Variants in FAM117B observed in about 807,000 individuals in gnomAD.
FAM117B encodes protein FAM117B.
FAM117B carries 22 observed loss-of-function variants against 52.8 expected under a neutral mutation model. The observed-to-expected ratio is 0.42, with a 90% CI of 0.30 to 0.59. The LOEUF (loss-of-function observed/expected upper bound fraction) is 0.59, where lower values mean the gene tolerates loss of function less well. FAM117B is among the 20% of genes least tolerant of loss of function. The pLI, the probability that FAM117B is intolerant of heterozygous loss-of-function variation, is 0.22. For synonymous variants in FAM117B, 309 were observed against 324.1 expected (o/e 0.95, Z 0.50); for missense variants, 678 against 802.6 (o/e 0.84, Z 1.88).
Position 202,757,446 on chromosome 2 carries a change from G to C in FAM117B, c.1330+8G>C. 6.2e-7 allele frequency: 1 copy of C among 1,612,542 alleles called. No individual in the cohort carries two copies. The highest frequency in any genetic ancestry group is 1.1e-5 in the South Asian group (1 of 91,018). ...TTGATCCCAGAGATAAAGGTACAGT[G>C]CTGGAGGAATGTGCTACTAGATGAT... On this transcript the variant is annotated splice_region_variant and intron_variant, in intron 6 of 7. Transcript: ENST00000392238.
rs11680951 is a variant in FAM117B, at chr2:202,766,636, G to A, written c.*872G>A. The A allele has an allele frequency of 0.48, 73,804 of 152,304 alleles. 18,660 individuals carry two copies. The highest frequency in any genetic ancestry group is 0.62 in the Middle Eastern group (183 of 294). 9.4% of individuals were successfully genotyped at this position (152,304 alleles called of 1,614,324 possible). The stretch of plus-strand genomic sequence containing the variant: ...TTAAAAGTCAGTGAGCCAAAAGGAA[G>A]CTATCCAGCGTTGATTGCTAGCTAA... On this transcript the variant is annotated 3_prime_UTR_variant, in exon 8 of 8. Coordinates refer to ENST00000392238, the MANE Select transcript of FAM117B (RefSeq NM_173511.4).
At chr2:202,655,724 G>C (rs1488948598) in intron 1 of FAM117B, among the ~76,000 whole-genome samples, 1,642 of 131,640 alleles carry the variant, frequency 0.012, 34 homozygotes, top group African/African-American at 0.033. Context: ...GAGAGAGAGA[G>C]AGAGAGAGAG....
chr2:202,753,492 A>G (rs180821974), intron 4 of FAM117B, among the ~76,000 whole-genome samples: 2 of 152,358 alleles, frequency 1.3e-5, no homozygotes, highest in African/African-American at 2.4e-5. Context: ...AGCAATTGCA[A>G]CAAAAGCCAA....
intron 2 of FAM117B, among the ~76,000 whole-genome samples, chr2:202,714,533 C>CTTTTTTTTTTTTTTTT (rs1034689626): frequency 5.1e-5 from 6 of 117,658 alleles, no homozygotes; most frequent in East Asian, 2.3e-4. Context: ...TTTTTTTTTT[C>CTTTTTTTTTTTTTTTT]TTTTTTTTTT....
At position 202,767,365 on chromosome 2, in the gene FAM117B, G is replaced by C. The variant is rs1691998410; in HGVS notation, c.*1601G>C. The C allele has an allele frequency of 6.6e-6, 1 of 152,064 alleles. No homozygotes were observed. Among genetic ancestry groups the C allele is most frequent in the Non-Finnish European group, 1.5e-5 (1 of 68,040 alleles). The allele number at this position is 152,064 out of a possible 1,614,324, so 9.4% of individuals were successfully genotyped here. A position where few individuals can be genotyped will look rare whatever the true frequency, so the allele number is the denominator to read the frequency against. The stretch of plus-strand genomic sequence containing the variant: ...AGTATATATGGGGTTTCACCATGTT[G>C]GTCAGGCTGTTCTTGAACTCCTGGC... On this transcript the variant is annotated 3_prime_UTR_variant, in exon 8 of 8. Coordinates refer to ENST00000392238, the MANE Select transcript of FAM117B (RefSeq NM_173511.4).
At chr2:202,740,230 A>G (rs184496366) in intron 4 of FAM117B, among the ~76,000 whole-genome samples, 13 of 141,676 alleles carry the variant, frequency 9.2e-5, no homozygotes, top group Admixed American at 4.4e-4. Context: ...TGTGGTGGCA[A>G]ACACCTTTAA....
chr2:202,692,448 C>T (rs888705434), intron 1 of FAM117B, among the ~76,000 whole-genome samples: 1 of 152,038 alleles, frequency 6.6e-6, no homozygotes, highest in East Asian at 1.9e-4. Context: ...GAGGTAAAAT[C>T]GAAGATATTA....
At chr2:202,708,945 T>C (rs1690918363) in intron 2 of FAM117B, among the ~76,000 whole-genome samples, 1 of 152,172 alleles carries the variant, frequency 6.6e-6, no homozygotes, top group Non-Finnish European at 1.5e-5. Flanking sequence ...CTGTTTTCCA[T>C]AGAAGCTCTA....
chr2:202,650,388 A>G (rs1196303560), intron 1 of FAM117B, among the ~76,000 whole-genome samples: 1 of 152,168 alleles, frequency 6.6e-6, no homozygotes, highest in Admixed American at 6.6e-5. Context: ...TAGGCCATGG[A>G]CTTTTGGAGC....
chr2:202,697,429 T>C (rs184425214), intron 2 of FAM117B, among the ~76,000 whole-genome samples: 1 of 152,222 alleles, frequency 6.6e-6, no homozygotes, highest in Non-Finnish European at 1.5e-5. Context: ...GAAAAACATT[T>C]AAAGATTTAA....
At chr2:202,649,858 ATTTG>A (rs10551355) in intron 1 of FAM117B, among the ~76,000 whole-genome samples, 3,311 of 151,424 alleles carry the variant, frequency 0.022, 120 homozygotes, top group African/African-American at 0.075. Flanking sequence ...CGGCTTATTT[ATTTG>A]TTTGTTTGTT....
chr2:202,699,125 C>T (rs1350294984), intron 2 of FAM117B, among the ~76,000 whole-genome samples: 2 of 151,698 alleles, frequency 1.3e-5, no homozygotes, highest in Non-Finnish European at 2.9e-5. Context: ...GTTAAGGGTA[C>T]AAATAAAAAG....
intron 1 of FAM117B, among the ~76,000 whole-genome samples, chr2:202,637,757 A>C (rs1025310931): frequency 3.3e-5 from 5 of 152,142 alleles, no homozygotes; most frequent in African/African-American, 1.2e-4. Context: ...AACTTTGGTC[A>C]GTTGTACTCC....
chr2:202,696,083 C>A, intron 2 of FAM117B, 51 bp downstream of exon 2: 1 of 1,571,082 alleles, frequency 6.4e-7, no homozygotes, highest in Non-Finnish European at 8.7e-7. Context: ...GAAGCTACTT[C>A]TTCTAATATT....
chr2:202,757,532 CGAGGCT>C, intron 6 of FAM117B, 94 bp downstream of exon 6: 2 of 1,271,578 alleles, frequency 1.6e-6, no homozygotes, highest in Non-Finnish European at 2.2e-6. Flanking sequence ...CACACACACT[CGAGGCT>C]ACTCAGTTAA....
chr2:202,718,162 G>C (rs949681717), intron 2 of FAM117B, among the ~76,000 whole-genome samples: 1 of 152,084 alleles, frequency 6.6e-6, no homozygotes, highest in Non-Finnish European at 1.5e-5. Context: ...GCCTGGCGTG[G>C]AACTCACCCT....
chr2:202,751,935 C>T (rs751662138), intron 4 of FAM117B, among the ~76,000 whole-genome samples: 4 of 151,622 alleles, frequency 2.6e-5, no homozygotes, highest in Non-Finnish European at 4.4e-5. Flanking sequence ...AATTTTCTTT[C>T]CTTTGGTAGT....
chr2:202,700,206 A>G (rs1690777017), intron 2 of FAM117B, among the ~76,000 whole-genome samples: 1 of 152,234 alleles, frequency 6.6e-6, no homozygotes, highest in African/African-American at 2.4e-5. Flanking sequence ...AAAGCTAGAC[A>G]TGATTGAGCT....
chr2:202,667,344 AC>A (rs1216450853), intron 1 of FAM117B, among the ~76,000 whole-genome samples: 1 of 151,554 alleles, frequency 6.6e-6, no homozygotes, highest in Non-Finnish European at 1.5e-5. Flanking sequence ...CAAGTGATCC[AC>A]CCGCCTCGGC....
Sources: allele counts gnomAD v4.1 joint callset (sites outside exome capture counted in the v4.1 genomes callset), GRCh38; gene constraint gnomAD v4.1.1; transcripts MANE v1.5; gene names NCBI Gene and HGNC (gene_info 2026-07-23, HGNC 2026-07-21).